Variants in SUGCT observed in about 807,000 individuals in gnomAD.
SUGCT encodes the protein succinyl-CoA:glutarate CoA-transferase.
Under a neutral mutation model 55.0 loss-of-function variants are expected in SUGCT, and 41 were observed. The observed-to-expected ratio is 0.74, with a 90% confidence interval of 0.58 to 0.97. The LOEUF (loss-of-function observed/expected upper bound fraction) is 0.97. SUGCT is among the 50% of genes least tolerant of loss of function. The pLI is 0.00. For synonymous variants in SUGCT, 187 were observed against 200.4 expected (o/e 0.93, Z 0.56); for missense variants, 568 against 547.8 (o/e 1.04, Z -0.37).
chr7:40,645,839 C>A (rs1053119750), intron 12 of SUGCT, among the ~76,000 whole-genome samples: 1 of 152,174 alleles, frequency 6.6e-6, no homozygotes, highest in Admixed American at 6.5e-5. Context: ...AGGCTCTATT[C>A]GCAGTGGTAA....
chr7:40,932,535 C>T, the SUGCT span, among the ~76,000 whole-genome samples: 1 of 151,722 alleles, frequency 6.6e-6, no homozygotes, highest in Non-Finnish European at 1.5e-5. Context: ...GTTAAAGTCT[C>T]CCATTATTAT....
At chr7:40,171,272 C>CT (rs1784657880) in intron 1 of SUGCT, among the ~76,000 whole-genome samples, 3 of 152,270 alleles carry the variant, frequency 2.0e-5, no homozygotes, top group East Asian at 3.9e-4. Context: ...GATGGGTTTG[C>CT]TTTTTTTGTA....
At chr7:40,794,364 C>T (rs922531396) in intron 13 of SUGCT, among the ~76,000 whole-genome samples, 12 of 152,150 alleles carry the variant, frequency 7.9e-5, no homozygotes, top group Admixed American at 6.5e-4. Flanking sequence ...TGAGGTCTGA[C>T]TTATGGTTAA....
chr7:40,349,256 T>C (rs555402114), intron 9 of SUGCT, among the ~76,000 whole-genome samples: 2 of 152,286 alleles, frequency 1.3e-5, no homozygotes, highest in Non-Finnish European at 1.5e-5. Context: ...TTTACAGGAG[T>C]GTGCAGGCTC....
At chr7:40,158,115 G>A (rs1013288601) in intron 1 of SUGCT, among the ~76,000 whole-genome samples, 4 of 152,046 alleles carry the variant, frequency 2.6e-5, no homozygotes, top group African/African-American at 9.7e-5. Context: ...GCTGAGGCAG[G>A]AGATTGAACC....
At chr7:40,599,103 G>A (rs947842313) in intron 12 of SUGCT, among the ~76,000 whole-genome samples, 1 of 152,078 alleles carries the variant, frequency 6.6e-6, no homozygotes, top group Non-Finnish European at 1.5e-5. Flanking sequence ...CCGATGCCAC[G>A]GGAAGCAGGT....
At chr7:40,253,323 C>T (rs1360118195) in intron 7 of SUGCT, among the ~76,000 whole-genome samples, 1 of 152,152 alleles carries the variant, frequency 6.6e-6, no homozygotes, top group East Asian at 1.9e-4. Context: ...TTTAGGTTGT[C>T]CAACCACCCT....
chr7:40,822,497 T>G (rs1242178800), intron 13 of SUGCT, among the ~76,000 whole-genome samples: 2 of 152,214 alleles, frequency 1.3e-5, no homozygotes, highest in African/African-American at 4.8e-5. Context: ...CTTGTTGAGT[T>G]GATCCCTTTA....
chr7:40,533,424 T>C (rs1319583789), intron 12 of SUGCT, among the ~76,000 whole-genome samples: 3 of 152,134 alleles, frequency 2.0e-5, no homozygotes, highest in Admixed American at 2.0e-4. Flanking sequence ...TTTACTATAA[T>C]TATGCAGAAA....
chr7:40,978,218 T>C, the SUGCT span, among the ~76,000 whole-genome samples: 3 of 152,156 alleles, frequency 2.0e-5, no homozygotes, highest in Non-Finnish European at 4.4e-5. Flanking sequence ...AGACACATGC[T>C]GTGGGCTGGA....
chr7:40,198,337 A>T (rs1196275121), intron 6 of SUGCT, among the ~76,000 whole-genome samples: 1 of 152,202 alleles, frequency 6.6e-6, no homozygotes, highest in Non-Finnish European at 1.5e-5. Flanking sequence ...TAGACATATC[A>T]ATAAGTAATG....
At position 40,471,675 on chromosome 7, in the gene SUGCT, A is replaced by C. The variant is rs114649100; in HGVS notation, c.986+12477A>C. Among the ~76,000 whole-genome samples the C allele has an allele frequency of 3.3e-3, 499 of 152,244 alleles. 5 individuals are homozygous for C. Among genetic ancestry groups the C allele is most frequent in the African/African-American group, 0.011 (465 of 41,590 alleles). On this transcript the variant is annotated intron_variant, in intron 11 of 13. Transcript: ENST00000335693. The stretch of plus-strand genomic sequence containing the variant: ...GAGGATTATCTTCAGAATTTAACAA[A>C]TTCTAAAGTTTATCTTCAAGTATAC...
the SUGCT span, among the ~76,000 whole-genome samples, chr7:40,994,933 A>G: frequency 6.6e-6 from 1 of 152,172 alleles, no homozygotes; most frequent in East Asian, 1.9e-4. Flanking sequence ...TGAGGCCCTC[A>G]CCAGAAGCAG....
chr7:40,545,770 T>C (rs528940747), intron 12 of SUGCT, among the ~76,000 whole-genome samples: 4 of 152,194 alleles, frequency 2.6e-5, no homozygotes, highest in Non-Finnish European at 5.9e-5. Context: ...AATAACAAAG[T>C]ATGCTTGCCA....
chr7:40,952,493 G>A, the SUGCT span, among the ~76,000 whole-genome samples: 22 of 152,168 alleles, frequency 1.4e-4, no homozygotes, highest in African/African-American at 3.9e-4. Context: ...TGATACTGTC[G>A]TTATGATGTT....
At chr7:40,332,869 T>A (rs1796405921) in intron 9 of SUGCT, among the ~76,000 whole-genome samples, 1 of 152,154 alleles carries the variant, frequency 6.6e-6, no homozygotes, top group Non-Finnish European at 1.5e-5. Context: ...AGGGTTATGG[T>A]GTCAGGCAGT....
intron 12 of SUGCT, among the ~76,000 whole-genome samples, chr7:40,690,935 C>T (rs1182909836): frequency 6.6e-6 from 1 of 152,156 alleles, no homozygotes; most frequent in Non-Finnish European, 1.5e-5. Context: ...AACTAGAAGT[C>T]ACTGACAGAC....
At chr7:40,763,827 A>G (rs1057306251) in intron 13 of SUGCT, among the ~76,000 whole-genome samples, 24 of 152,278 alleles carry the variant, frequency 1.6e-4, no homozygotes, top group African/African-American at 5.8e-4. Flanking sequence ...CTATTTTCAC[A>G]TAAACAGAAA....
chr7:40,448,903 TA>T (rs1789013173), intron 9 of SUGCT, among the ~76,000 whole-genome samples: 1 of 135,004 alleles, frequency 7.4e-6, no homozygotes, highest in African/African-American at 3.0e-5. Context: ...CATAGACACA[TA>T]TGTGTGTGTG....
Sources: allele counts gnomAD v4.1 joint callset (sites outside exome capture counted in the v4.1 genomes callset), GRCh38; gene constraint gnomAD v4.1.1; transcripts MANE v1.5; gene names NCBI Gene and HGNC (gene_info 2026-07-23, HGNC 2026-07-21).